Variants in SPSB2 observed in about 807,000 individuals in gnomAD.
The protein encoded by SPSB2 is SPRY domain-containing SOCS box protein 2.
A neutral mutation model predicts 19.2 loss-of-function variants in SPSB2; 25 were observed. That is an observed-to-expected ratio of 1.30 (90% CI 0.95 to 1.82). The LOEUF (loss-of-function observed/expected upper bound fraction) is 1.82, where lower values mean the gene tolerates loss of function less well. SPSB2 is among the 40% of genes most tolerant of loss of function. The pLI, the probability that SPSB2 is intolerant of heterozygous loss-of-function variation, is 0.00. For synonymous variants in SPSB2, 153 were observed against 154.9 expected (o/e 0.99, Z 0.09); for missense variants, 413 against 344.9 (o/e 1.20, Z -1.56).
At chr12:6,872,182 C>T (rs1199540208) in intron 2 of SPSB2, 56 bp downstream of exon 2, 1 of 1,613,616 alleles carries the variant, frequency 6.2e-7, no homozygotes, top group Non-Finnish European at 8.5e-7. Flanking sequence ...AGTTTCCATC[C>T]CAAACCACTG....
At position 6,872,059 on chromosome 12, in the gene SPSB2, T is replaced by C. The variant is rs1195212568; in HGVS notation, c.664+179A>G. ...CTTTCTCAAGCCTGTTTCACCTCTATTGCTGTTGGGTTAAATTAAATAACA... is the reference window on the plus strand; with the variant it reads ...CTTTCTCAAGCCTGTTTCACCTCTACTGCTGTTGGGTTAAATTAAATAACA... On this transcript the variant is annotated intron_variant, in intron 2 of 2. Coordinates refer to ENST00000524270, the MANE Select transcript of SPSB2 (RefSeq NM_032641.4). 1.6e-5 allele frequency: 25 copies of C among 1,547,720 alleles called. No individual in the cohort carries two copies. In the South Asian group the frequency reaches 2.1e-4, roughly 13 times the overall value.
At chr12:6,871,946 G>A in intron 2 of SPSB2, 3 of 1,406,444 alleles carry the variant, frequency 2.1e-6, no homozygotes, top group Non-Finnish European at 2.8e-6. Flanking sequence ...CTCAGGGGTT[G>A]ATATCTCCTG....
Position 6,873,069 on chromosome 12 carries a change from C to G in SPSB2, c.-96-72G>C, listed in dbSNP as rs879995837. On this transcript the variant is annotated intron_variant, in intron 1 of 2. Transcript: ENST00000524270. ...CACCCAGGTACCCCATCCTTTCACC[C>G]AAGTTTGCCAACGGGCCCGCTCCTC... is the stretch of plus-strand genomic sequence containing the variant. The G allele has an allele frequency of 9.2e-5, 53 of 573,702 alleles. 1 individual carries two copies. The Middle Eastern group carries it at 1.8e-3, about 20-fold the overall frequency. The allele number at this position is 573,702 out of a possible 1,614,324, so 35.5% of individuals were successfully genotyped here.
rs782211445 is a variant in SPSB2, at chr12:6,872,740, T to C, written c.162A>G (p.Ser54=). ...RRHGWNPKDC[S]ENIEVKEGGL... is the part of the protein sequence containing the mutation. Reference sequence around the variant, plus strand: ...CTCCTTCCTTGACCTCGATGTTCTCTGAACAGTCTTTGGGGTTCCAACCGT... The same window carrying C: ...CTCCTTCCTTGACCTCGATGTTCTCCGAACAGTCTTTGGGGTTCCAACCGT... The change falls in exon 2 of 3, where the codon TCA becomes TCG. Residue 54 remains serine (S), a synonymous_variant. Transcript: ENST00000524270. 6.2e-7 allele frequency: 1 copy of C among 1,612,824 alleles called. No individual in the cohort carries two copies. The highest frequency in any genetic ancestry group is 8.5e-7 in the Non-Finnish European group (1 of 1,180,048).
chr12:6,872,639 A>G lies in SPSB2; in HGVS notation c.263T>C (p.Leu88Pro). The G allele has an allele frequency of 1.9e-6, 3 of 1,611,538 alleles. No homozygotes were observed. The highest frequency in any genetic ancestry group is 2.5e-6 in the Non-Finnish European group (3 of 1,179,948). ...ARGKRGYSRG[L>P]HAWEISWPLE... ...GGGCCAGCTGATCTCCCAGGCGTGC[A>G]GGCCCCTTGAATAGCCCCTCTTACC... Residue 88 changes from leucine to proline, a missense_variant, in exon 2 of 3, where the codon CTG (leucine) becomes CCG (proline). Physicochemically the swap from Leu to Pro is moderately conservative, Grantham distance 98. Coordinates refer to ENST00000524270, the MANE Select transcript of SPSB2 (RefSeq NM_032641.4).
At position 6,870,964 on chromosome 12, in the gene SPSB2, A is replaced by G. The variant is rs1555133107; in HGVS notation, c.*228T>C. The G allele has an allele frequency of 8.8e-6, 6 of 680,812 alleles. No homozygotes were observed. In the East Asian group the frequency reaches 1.1e-4, roughly 12 times the overall value. The allele number at this position is 680,812 out of a possible 1,614,324, so 42.2% of individuals were successfully genotyped here. On this transcript the variant is annotated 3_prime_UTR_variant, in exon 3 of 3. Coordinates refer to ENST00000524270, the MANE Select transcript of SPSB2 (RefSeq NM_032641.4). ...TATAACAACATCTCTTACTATTTTT[A>G]CTTGAAAAAATGTTTTGCGTAGCAG...
chr12:6,871,829 C>A, intron 2 of SPSB2: 1 of 521,338 alleles, frequency 1.9e-6, no homozygotes, highest in Non-Finnish European at 3.3e-6. Flanking sequence ...GGCACAGAGA[C>A]AGGTTAGAGC....
chr12:6,871,877 G>T, intron 2 of SPSB2: 1 of 880,354 alleles, frequency 1.1e-6, no homozygotes, highest in Non-Finnish European at 1.6e-6. Context: ...ACCTGGCTCT[G>T]CCCATCCTTC....
chr12:6,871,379 A>G, intron 2 of SPSB2, 60 bp from the exon 3 acceptor site: 1 of 1,563,196 alleles, frequency 6.4e-7, no homozygotes, highest in Non-Finnish European at 8.7e-7. Flanking sequence ...GATGTCCTCA[A>G]ACTACGGGGT....
In SPSB2 at chr12:6,871,044, G is replaced by T; in HGVS notation, c.*148C>A. 2.1e-6 allele frequency: 2 copies of T among 965,976 alleles called. No homozygotes were observed. Among genetic ancestry groups the T allele is most frequent in the African/African-American group, 1.6e-5 (1 of 61,532 alleles). 59.8% of individuals were successfully genotyped at this position (965,976 alleles called of 1,614,324 possible). On this transcript the variant is annotated 3_prime_UTR_variant, in exon 3 of 3. Coordinates refer to ENST00000524270, the MANE Select transcript of SPSB2 (RefSeq NM_032641.4). ...TTCTTCCTCCCTCCAAGTGGCTCTG[G>T]GGCTGTTGATTTCCGCAGAGCTTGG...
intron 2 of SPSB2, 192 bp from the exon 3 acceptor site, chr12:6,871,511 G>T: frequency 3.1e-6 from 2 of 650,494 alleles, no homozygotes. Flanking sequence ...GTCAGAGCTG[G>T]GGGTGAAGAG....
In SPSB2 at chr12:6,872,555, T is replaced by C; in HGVS notation, c.347A>G (p.Gln116Arg). ...VGVATALAPL[Q>R]TDHYAALLGS... ...CAGCAGCGCCGCGTAGTGGTCAGTCTGCAGCGGGGCGAGGGCCGTGGCCAC... is the reference window on the plus strand; with the variant it reads ...CAGCAGCGCCGCGTAGTGGTCAGTCCGCAGCGGGGCGAGGGCCGTGGCCAC... Residue 116 changes from glutamine to arginine, a missense_variant, in exon 2 of 3, where the codon CAG becomes CGG. Coordinates refer to ENST00000524270, the MANE Select transcript of SPSB2 (RefSeq NM_032641.4). 6.2e-7 allele frequency: 1 copy of C among 1,610,116 alleles called. No individual in the cohort carries two copies. Among genetic ancestry groups the C allele is most frequent in the Non-Finnish European group, 8.5e-7 (1 of 1,179,558 alleles).
Sources: gnomAD v4.1 joint callset for allele counts on GRCh38, gnomAD v4.1.1 for gene constraint, MANE v1.5 for transcripts, NCBI Gene and HGNC (gene_info 2026-07-23, HGNC 2026-07-21) for gene names.